POLQ: variants seen among roughly 807,000 people sequenced by gnomAD.
POLQ encodes DNA polymerase theta, also known as epididymis secretory sperm binding protein.
Under a neutral mutation model 259.2 loss-of-function variants are expected in POLQ, and 233 were observed. The observed-to-expected ratio is 0.90, with a 90% CI of 0.81 to 1.00. The LOEUF (loss-of-function observed/expected upper bound fraction) is 1.00. Ranked by LOEUF, POLQ falls within the 50% of genes least tolerant of loss-of-function variation. The pLI is 0.00. For synonymous variants in POLQ, 1,025 were observed against 1,048.8 expected (o/e 0.98, Z 0.44); for missense variants, 2,871 against 3,051.6 (o/e 0.94, Z 1.39).
chr3:121,515,486 C>T lies in POLQ; in HGVS notation c.1469-3457G>A, dbSNP rs574574333. ...CTGGGGCCCAGCCAAGAGGCGATTGCAGTTTCAAACCAGCAACTCTGCCTG... is the reference window on the plus strand; with the variant it reads ...CTGGGGCCCAGCCAAGAGGCGATTGTAGTTTCAAACCAGCAACTCTGCCTG... On this transcript the variant is annotated intron_variant, in intron 9 of 29. Transcript: ENST00000264233. Among the ~76,000 whole-genome samples the T allele has an allele frequency of 3.9e-5, 6 of 152,298 alleles. No individual in the cohort carries two copies. In the South Asian group the frequency reaches 1.2e-3, roughly 32 times the overall value.
chr3:121,508,973 C>CTT (rs34609243), intron 12 of POLQ, among the ~76,000 whole-genome samples: 105,013 of 151,988 alleles, frequency 0.69, 36,466 homozygotes, highest in East Asian at 0.89. Context: ...TATAAACAAA[C>CTT]TTAAAATTCC....
rs770670107 is a variant in POLQ, at chr3:121,489,282, GTCTC to G, written c.3645_3648del (p.Glu1215AspfsTer12). 17 of 1,613,688 alleles carry G rather than the reference GTCTC, an allele frequency of 1.1e-5. No homozygotes were observed. The highest frequency in any genetic ancestry group is 2.2e-5 in the East Asian group (1 of 44,866). ...CTACTGACTGCTTCACAGGGCATTTGTCTCTCTATTATATTTTTCTGTTTGGTAA... is the reference window on the plus strand; with the variant it reads ...CTACTGACTGCTTCACAGGGCATTTGTCTATTATATTTTTCTGTTTGGTAA... On this transcript the variant is annotated frameshift_variant, in exon 16 of 30. Coordinates refer to ENST00000264233, the MANE Select transcript of POLQ (RefSeq NM_199420.4). LOFTEE classifies it high-confidence loss of function.
intron 22 of POLQ, 63 bp downstream of exon 22, chr3:121,471,927 T>G: frequency 1.1e-6 from 1 of 933,642 alleles, no homozygotes; most frequent in Non-Finnish European, 1.5e-6. Context: ...ATAAAAAATA[T>G]TACATATGAA....
At chr3:121,522,531 T>C (rs1489640718) in intron 7 of POLQ, among the ~76,000 whole-genome samples, 1 of 150,944 alleles carries the variant, frequency 6.6e-6, no homozygotes, top group African/African-American at 2.4e-5. Context: ...CAGGATGGTC[T>C]CGATCTCCTG....
intron 24 of POLQ, among the ~76,000 whole-genome samples, chr3:121,461,824 A>T (rs2047794360): frequency 6.6e-6 from 1 of 152,214 alleles, no homozygotes; most frequent in Admixed American, 6.5e-5. Context: ...TACATGTAGT[A>T]ATCTATAAGA....
chr3:121,503,757 C>T (rs565732835), intron 12 of POLQ, among the ~76,000 whole-genome samples: 2 of 152,200 alleles, frequency 1.3e-5, no homozygotes, highest in South Asian at 2.1e-4. Context: ...AATCATCTAG[C>T]GTAATTATAA....
intron 26 of POLQ, among the ~76,000 whole-genome samples, chr3:121,444,851 G>C (rs771740366): frequency 3.3e-5 from 5 of 152,010 alleles, no homozygotes; most frequent in Non-Finnish European, 7.4e-5. Context: ...AGCATCAATT[G>C]AAATGATATT....
Position 121,431,998 on chromosome 3 carries a change from A to G in POLQ, c.*306T>C, listed in dbSNP as rs535130027. On this transcript the variant is annotated 3_prime_UTR_variant, in exon 30 of 30. Coordinates refer to ENST00000264233, the MANE Select transcript of POLQ (RefSeq NM_199420.4). ...GATGTGGAACCAAAGTGCTAAGTGC[A>G]TATTTCAAGCATCTGTTCTGAATAT... 3.7e-5 allele frequency: 9 copies of G among 240,356 alleles called. No homozygotes were observed. In the East Asian group the frequency reaches 6.6e-4, roughly 18 times the overall value. The allele number at this position is 240,356 out of a possible 1,614,324, so 14.9% of individuals were successfully genotyped here.
rs766003170 is a variant in POLQ at position 121,481,672 on chromosome 3, G to A, written c.6111C>T (p.Gly2037=). The A allele has an allele frequency of 4.4e-5, 71 of 1,613,948 alleles. 1 individual carries two copies. In the South Asian group the frequency reaches 7.0e-4, roughly 16 times the overall value. Residue 2037 remains glycine, a synonymous_variant, in exon 19 of 30, where the codon GGC becomes GGT. Transcript: ENST00000264233. ...CTCTGTATCGCCCAGAATGCTCACT[G>A]CCAGCATTTAGCCCCAGGCTTTGAA... ...QGIQSLGLNA[G]SEHSGRYRAS... is the part of the protein sequence containing the mutation.
intron 16 of POLQ, among the ~76,000 whole-genome samples, chr3:121,486,750 C>T (rs1177680737): frequency 6.6e-6 from 1 of 151,812 alleles, no homozygotes; most frequent in East Asian, 1.9e-4. Flanking sequence ...GTACTTCTAG[C>T]TACTTGGGAG....
intron 12 of POLQ, among the ~76,000 whole-genome samples, chr3:121,500,436 A>G (rs2108803477): frequency 6.6e-6 from 1 of 152,330 alleles, no homozygotes; most frequent in East Asian, 1.9e-4. Flanking sequence ...CTGGACCTAA[A>G]ATGGATAATT....
chr3:121,522,463 C>A (rs1424192572), intron 7 of POLQ, among the ~76,000 whole-genome samples: 5 of 150,410 alleles, frequency 3.3e-5, no homozygotes, highest in Non-Finnish European at 7.4e-5. Flanking sequence ...AGGCGCCTGC[C>A]ACCGCGCCCG....
intron 10 of POLQ, 65 bp downstream of exon 10, chr3:121,511,822 T>C (rs924100724): frequency 1.7e-6 from 2 of 1,201,980 alleles, no homozygotes; most frequent in Non-Finnish European, 2.4e-6. Context: ...AAGATTTTCA[T>C]ATACTAACAT....
intron 17 of POLQ, among the ~76,000 whole-genome samples, chr3:121,484,395 A>G (rs79591485): frequency 0.025 from 3,769 of 152,278 alleles, 56 homozygotes; most frequent in Non-Finnish European, 0.037. Context: ...ATGGTAGGAC[A>G]GAAGACTGAA....
At chr3:121,504,644 A>C (rs1019799410) in intron 12 of POLQ, among the ~76,000 whole-genome samples, 2 of 152,236 alleles carry the variant, frequency 1.3e-5, no homozygotes, top group Non-Finnish European at 2.9e-5. Context: ...CAAATAAAAT[A>C]CTAGCAATAA....
In POLQ at chr3:121,487,777, T is replaced by A; in HGVS notation, c.5154A>T (p.Ser1718=). The change falls in exon 16 of 30, where the codon TCA becomes TCT. Residue 1718 remains serine, a synonymous_variant. Transcript: ENST00000264233. ...TACTTTCTTTACGAGGTAAGAGGGA[T>A]GAGGTTTCATCATGATTGGCATTGT... The part of the protein sequence containing the change: ...LENNANHDET[S]SLLPRKESNI... The A allele has an allele frequency of 6.2e-7, 1 of 1,611,718 alleles. No individual in the cohort carries two copies. The highest frequency in any genetic ancestry group is 1.1e-5 in the South Asian group (1 of 90,552).
At chr3:121,538,693 G>A (rs1323219293) in intron 4 of POLQ, among the ~76,000 whole-genome samples, 2 of 151,428 alleles carry the variant, frequency 1.3e-5, no homozygotes, top group East Asian at 3.9e-4. Context: ...AATATTTAAA[G>A]TCCAATGGGG....
rs2048093144 is a variant in POLQ at position 121,493,961 on chromosome 3, CAAGTT to C, written c.2279-245_2279-241del. Reference sequence around the variant, plus strand: ...TGTCATCTTATTTATTCTTAATCCTCAAGTTAATACATGAAAACTGAGGCAGAGCA... The same window carrying C: ...TGTCATCTTATTTATTCTTAATCCTCAATACATGAAAACTGAGGCAGAGCA... On this transcript the variant is annotated intron_variant, in intron 14 of 29. Coordinates refer to ENST00000264233, the MANE Select transcript of POLQ (RefSeq NM_199420.4). 5 of 597,044 alleles carry C rather than the reference CAAGTT, an allele frequency of 8.4e-6. No homozygotes were observed. In the Admixed American group the frequency reaches 1.2e-4, roughly 14 times the overall value. 37.0% of individuals were successfully genotyped at this position (597,044 alleles called of 1,614,324 possible). A position where few individuals can be genotyped will look rare whatever the true frequency, so the allele number is the denominator to read the frequency against.
intron 24 of POLQ, among the ~76,000 whole-genome samples, chr3:121,465,225 G>A (rs1044541551): frequency 6.6e-6 from 1 of 151,790 alleles, no homozygotes; most frequent in Admixed American, 6.6e-5. Flanking sequence ...CTGAGTAGCT[G>A]GGACTACAGG....
Sources: allele counts gnomAD v4.1 joint callset (sites outside exome capture counted in the v4.1 genomes callset), GRCh38; gene constraint gnomAD v4.1.1; transcripts MANE v1.5; gene names NCBI Gene and HGNC (gene_info 2026-07-23, HGNC 2026-07-21).